TMOD3: variants seen among roughly 807,000 people sequenced by gnomAD.
TMOD3 encodes tropomodulin 3, also known as tropomodulin-3.
Under a neutral mutation model 39.2 loss-of-function variants are expected in TMOD3, and 20 were observed. The ratio of observed to expected loss-of-function variants is 0.51; its 90% CI spans 0.36 to 0.74. TMOD3 has a LOEUF of 0.74. TMOD3 is among the 30% of genes least tolerant of loss of function. The pLI is 0.00. For missense variants in TMOD3, 381 were observed against 412.8 expected, an observed-to-expected ratio of 0.92 and a Z score of 0.67; for synonymous variants, 143 against 145.8, an observed-to-expected ratio of 0.98 and a Z score of 0.14.
chr15:51,885,352 G>A (rs1227565659), intron 3 of TMOD3, among the ~76,000 whole-genome samples: 1 of 150,632 alleles, frequency 6.6e-6, no homozygotes, highest in Non-Finnish European at 1.5e-5. Context: ...GGACTTGGCA[G>A]GGTCATAGGA....
intron 1 of TMOD3, among the ~76,000 whole-genome samples, chr15:51,841,792 T>C (rs1290249274): frequency 3.9e-5 from 6 of 152,186 alleles, no homozygotes; most frequent in African/African-American, 7.2e-5. Flanking sequence ...TATTTTGAGA[T>C]GGAGTCTCAT....
At position 51,829,693 on chromosome 15, in the gene TMOD3, G is replaced by T. The variant is rs542562245; in HGVS notation, c.-218G>T. On this transcript the variant is annotated 5_prime_UTR_variant, in exon 1 of 10. Transcript: ENST00000308580. ...CGCACCTACAGGGCGGTCGAGTGAGGGAGCTGCTGGCGGGTGGGTCTGGCA... is the reference window on the plus strand; with the variant it reads ...CGCACCTACAGGGCGGTCGAGTGAGTGAGCTGCTGGCGGGTGGGTCTGGCA... 5.9e-5 allele frequency: 9 copies of T among 152,476 alleles called. No homozygotes were observed. The highest frequency in any genetic ancestry group is 2.2e-4 in the African/African-American group (9 of 41,582). The allele number at this position is 152,476 out of a possible 1,614,324, so 9.4% of individuals were successfully genotyped here.
chr15:51,900,435 C>A, intron 8 of TMOD3, 137 bp downstream of exon 8: 1 of 891,384 alleles, frequency 1.1e-6, no homozygotes, highest in Non-Finnish European at 1.7e-6. Flanking sequence ...GGAGAGCTGA[C>A]ATTTGGGGTA....
In TMOD3 at chr15:51,862,901, G is replaced by T. The variant is rs200207833; in HGVS notation, c.17G>T (p.Arg6Leu). Residue 6 changes from arginine to leucine, a missense_variant, in exon 2 of 10, where the codon CGT becomes CTT. Arg to Leu is a moderately radical substitution (Grantham distance 102, BLOSUM62 -2). Coordinates refer to ENST00000308580, the MANE Select transcript of TMOD3 (RefSeq NM_014547.5). ...CTGCACATCATGGCACTGCCATTCC[G>T]TAAGGACTTAGAAAAGTACAAAGAC... is the stretch of plus-strand genomic sequence containing the variant. MALPFRKDLEKYKDLD... is the reference protein window; with the variant it reads MALPFLKDLEKYKDLD... 33 of 1,613,460 alleles carry T rather than the reference G, an allele frequency of 2.0e-5. No individual in the cohort carries two copies. The East Asian group carries it at 7.1e-4, about 35-fold the overall frequency.
At chr15:51,859,489 A>G (rs2056405468) in intron 1 of TMOD3, 2 of 654,254 alleles carry the variant, frequency 3.1e-6, no homozygotes, top group South Asian at 1.4e-5. Flanking sequence ...AAACTTTTAT[A>G]CACAGCTCTG....
intron 1 of TMOD3, among the ~76,000 whole-genome samples, chr15:51,857,755 A>T (rs191852167): frequency 5.9e-5 from 9 of 152,292 alleles, no homozygotes; most frequent in Admixed American, 5.9e-4. Flanking sequence ...AACAGTAATT[A>T]TCCAAACATT....
chr15:51,894,459 G>C (rs1595909613), intron 6 of TMOD3, among the ~76,000 whole-genome samples: 1 of 152,190 alleles, frequency 6.6e-6, no homozygotes, highest in South Asian at 2.1e-4. Flanking sequence ...CTCCCTTTTA[G>C]TGTCCAGTTC....
At chr15:51,854,682 T>C (rs2056379394) in intron 1 of TMOD3, among the ~76,000 whole-genome samples, 1 of 152,196 alleles carries the variant, frequency 6.6e-6, no homozygotes, top group African/African-American at 2.4e-5. Flanking sequence ...AAAAAAGCTG[T>C]CGGGCCTCCT....
intron 6 of TMOD3, among the ~76,000 whole-genome samples, chr15:51,896,125 TAAAA>T (rs1287977902): frequency 3.3e-5 from 5 of 152,134 alleles, no homozygotes; most frequent in African/African-American, 1.2e-4. Context: ...CATAAATAAA[TAAAA>T]GGAATAATGA....
chr15:51,865,388 C>T (rs1035280448), intron 2 of TMOD3, among the ~76,000 whole-genome samples: 3 of 152,040 alleles, frequency 2.0e-5, no homozygotes, highest in African/African-American at 7.2e-5. Flanking sequence ...AGGGAAAGAG[C>T]TGGGACTAGA....
At chr15:51,889,613 C>T (rs2056582258) in intron 5 of TMOD3, among the ~76,000 whole-genome samples, 1 of 152,140 alleles carries the variant, frequency 6.6e-6, no homozygotes, top group African/African-American at 2.4e-5. Context: ...TGGATCATGA[C>T]TGTAATTTCA....
At chr15:51,854,193 T>C (rs890809649) in intron 1 of TMOD3, among the ~76,000 whole-genome samples, 24 of 152,320 alleles carry the variant, frequency 1.6e-4, no homozygotes, top group African/African-American at 5.5e-4. Flanking sequence ...ATAGTAAATA[T>C]TTTAGCTTTG....
chr15:51,905,672 G>A (rs557975359), intron 9 of TMOD3, among the ~76,000 whole-genome samples: 16 of 152,284 alleles, frequency 1.1e-4, no homozygotes, highest in African/African-American at 3.6e-4. Flanking sequence ...CTCTATTAGA[G>A]TTAGAAAATG....
At chr15:51,842,672 C>T (rs897616112) in intron 1 of TMOD3, among the ~76,000 whole-genome samples, 1 of 152,142 alleles carries the variant, frequency 6.6e-6, no homozygotes, top group African/African-American at 2.4e-5. Flanking sequence ...CTCTCTTTTG[C>T]CCTACTATTG....
intron 1 of TMOD3, among the ~76,000 whole-genome samples, chr15:51,859,026 A>T (rs1046261001): frequency 1.6e-4 from 24 of 152,244 alleles, no homozygotes; most frequent in African/African-American, 3.6e-4. Flanking sequence ...TAAATTTTTT[A>T]AAAAATTAAC....
intron 1 of TMOD3, among the ~76,000 whole-genome samples, chr15:51,850,013 A>G (rs2056353512): frequency 6.6e-6 from 1 of 151,776 alleles, no homozygotes; most frequent in Non-Finnish European, 1.5e-5. Context: ...GTTTGGGTGG[A>G]GTGAGTGGTG....
chr15:51,859,709 A>G, intron 1 of TMOD3: 1 of 483,770 alleles, frequency 2.1e-6, no homozygotes, highest in Non-Finnish European at 4.1e-6. Context: ...CTCAAAAAGC[A>G]TGGCTATGTC....
At chr15:51,859,798 G>C in intron 1 of TMOD3, 1 of 506,818 alleles carries the variant, frequency 2.0e-6, no homozygotes, top group Non-Finnish European at 4.0e-6. Context: ...TTCAGTCCCA[G>C]CTACTGCCAC....
intron 2 of TMOD3, among the ~76,000 whole-genome samples, chr15:51,863,875 G>A (rs2056431617): frequency 6.6e-6 from 1 of 152,134 alleles, no homozygotes; most frequent in Non-Finnish European, 1.5e-5. Flanking sequence ...CATCTGATTG[G>A]AGGGGGATTA....
Sources: allele counts gnomAD v4.1 joint callset (sites outside exome capture counted in the v4.1 genomes callset), GRCh38; gene constraint gnomAD v4.1.1; transcripts MANE v1.5; gene names NCBI Gene and HGNC (gene_info 2026-07-23, HGNC 2026-07-21).